GRM5: variants seen among roughly 807,000 people sequenced by gnomAD.
GRM5 encodes metabotropic glutamate receptor 5.
A neutral mutation model predicts 83.1 loss-of-function variants in GRM5; 19 were observed. The ratio of observed to expected loss-of-function variants is 0.23; its 90% confidence interval spans 0.16 to 0.34. The LOEUF (loss-of-function observed/expected upper bound fraction) is 0.34. Ranked by LOEUF, GRM5 falls within the 10% of genes least tolerant of loss-of-function variation. The pLI is 1.00. For synonymous variants in GRM5, 675 were observed against 633.6 expected, an observed-to-expected ratio of 1.07 and a Z score of -0.98; for missense variants, 1,160 against 1,588.3, an observed-to-expected ratio of 0.73 and a Z score of 4.58.
chr11:89,043,573 AT>A lies in GRM5; in HGVS notation c.661+3638del, dbSNP rs369706887. Among the ~76,000 whole-genome samples the A allele has an allele frequency of 5.5e-3, 771 of 139,724 alleles. 3 individuals are homozygous for A. Among genetic ancestry groups the A allele is most frequent in the African/African-American group, 0.014 (505 of 35,828 alleles). The allele number at this position is 139,724 out of a possible 152,430, so 91.7% of individuals were successfully genotyped here. A position where few individuals can be genotyped will look rare whatever the true frequency, so the allele number is the denominator to read the frequency against. ...AATTTCAAGAATATTAATGCATGTT[AT>A]TTTTTTTTTTTTGCTTTTGAAGTTT... On this transcript the variant is annotated intron_variant, in intron 2 of 9. Coordinates refer to ENST00000305447, the MANE Select transcript of GRM5 (RefSeq NM_001143831.3).
At chr11:89,048,475 T>A (rs898217172) in intron 1 of GRM5, among the ~76,000 whole-genome samples, 1 of 152,242 alleles carries the variant, frequency 6.6e-6, no homozygotes, top group African/African-American at 2.4e-5. Context: ...AAAGTGTGGA[T>A]AACTGTTGTT....
At chr11:88,997,998 T>A (rs1940246989) in intron 2 of GRM5, among the ~76,000 whole-genome samples, 1 of 149,682 alleles carries the variant, frequency 6.7e-6, no homozygotes, top group Non-Finnish European at 1.5e-5. Flanking sequence ...AAGTATTCCC[T>A]GGTATGAAAA....
chr11:88,589,875 G>T (rs1937609416), intron 7 of GRM5, among the ~76,000 whole-genome samples: 1 of 151,946 alleles, frequency 6.6e-6, no homozygotes, highest in African/African-American at 2.4e-5. Flanking sequence ...TTATTTTAGT[G>T]GTAGGAAAAT....
chr11:88,668,095 T>A (rs1940090879), intron 3 of GRM5, among the ~76,000 whole-genome samples: 1 of 151,808 alleles, frequency 6.6e-6, no homozygotes, highest in Admixed American at 6.6e-5. Flanking sequence ...AAAATTTAGA[T>A]AAAATAGAAA....
At chr11:88,844,700 G>A (rs1944267966) in intron 3 of GRM5, among the ~76,000 whole-genome samples, 1 of 152,186 alleles carries the variant, frequency 6.6e-6, no homozygotes. Flanking sequence ...ACATTCATGA[G>A]TCATGAGAGA....
At chr11:88,580,166 G>A (rs1943192546) in intron 7 of GRM5, among the ~76,000 whole-genome samples, 1 of 152,190 alleles carries the variant, frequency 6.6e-6, no homozygotes, top group Admixed American at 6.5e-5. Flanking sequence ...GTAAAGACCT[G>A]GATTTCAGTG....
At chr11:88,803,826 A>T (rs1228140511) in intron 3 of GRM5, among the ~76,000 whole-genome samples, 1 of 152,228 alleles carries the variant, frequency 6.6e-6, no homozygotes, top group Non-Finnish European at 1.5e-5. Flanking sequence ...AATGAACTCA[A>T]ACAAATTTAC....
At chr11:89,056,487 T>G (rs1941878153) in intron 1 of GRM5, among the ~76,000 whole-genome samples, 1 of 152,174 alleles carries the variant, frequency 6.6e-6, no homozygotes, top group Non-Finnish European at 1.5e-5. Context: ...AAGAGCCTTT[T>G]TTCATTCTTG....
chr11:88,687,219 A>G (rs569735248), intron 3 of GRM5, among the ~76,000 whole-genome samples: 1 of 151,874 alleles, frequency 6.6e-6, no homozygotes, highest in African/African-American at 2.4e-5. Flanking sequence ...TCGCGCCTGT[A>G]ATCCCAGCAC....
intron 2 of GRM5, among the ~76,000 whole-genome samples, chr11:88,872,373 G>A (rs1944784165): frequency 6.6e-6 from 1 of 151,460 alleles, no homozygotes; most frequent in Non-Finnish European, 1.5e-5. Context: ...TTATTAAAGT[G>A]AGCCTTCTAA....
At chr11:88,555,631 C>G (rs1269731847) in intron 8 of GRM5, among the ~76,000 whole-genome samples, 1 of 152,112 alleles carries the variant, frequency 6.6e-6, no homozygotes, top group Non-Finnish European at 1.5e-5. Context: ...GCCGTTTTAA[C>G]TCAGCAGAGG....
chr11:88,518,787 A>G (rs1591317507), intron 9 of GRM5, among the ~76,000 whole-genome samples: 1 of 151,530 alleles, frequency 6.6e-6, no homozygotes, highest in East Asian at 1.9e-4. Context: ...TTATTTCTTT[A>G]TTAAGATTGT....
At chr11:88,549,573 A>G (rs1293561171) in intron 8 of GRM5, among the ~76,000 whole-genome samples, 2 of 152,064 alleles carry the variant, frequency 1.3e-5, no homozygotes, top group East Asian at 3.9e-4. Context: ...GCACCGTGTT[A>G]TAGTATGTGT....
At chr11:88,740,737 C>G (rs1942010766) in intron 3 of GRM5, among the ~76,000 whole-genome samples, 1 of 152,054 alleles carries the variant, frequency 6.6e-6, no homozygotes, top group Non-Finnish European at 1.5e-5. Flanking sequence ...ATCATTAGCA[C>G]ATCTTCAACC....
At chr11:88,750,495 C>T (rs1942245700) in intron 3 of GRM5, among the ~76,000 whole-genome samples, 1 of 152,164 alleles carries the variant, frequency 6.6e-6, no homozygotes, top group African/African-American at 2.4e-5. Context: ...TAATGGGAAA[C>T]TTTAACATTC....
At chr11:88,640,618 A>G (rs1391683826) in intron 4 of GRM5, among the ~76,000 whole-genome samples, 1 of 152,202 alleles carries the variant, frequency 6.6e-6, no homozygotes, top group Admixed American at 6.5e-5. Flanking sequence ...CTGGGCCTCC[A>G]GAAATTGTGA....
At chr11:88,655,838 A>T (rs1939755234) in intron 3 of GRM5, among the ~76,000 whole-genome samples, 1 of 152,130 alleles carries the variant, frequency 6.6e-6, no homozygotes. Flanking sequence ...GATAGTGTGT[A>T]AACAGAAAAT....
intron 2 of GRM5, among the ~76,000 whole-genome samples, chr11:88,922,878 G>A (rs519888): frequency 0.96 from 145,758 of 152,224 alleles, 69,864 homozygotes; most frequent in East Asian, 0.99. Context: ...GCAACTCAAT[G>A]GTAAAAAATC....
chr11:88,733,923 T>C (rs1941858168), intron 3 of GRM5, among the ~76,000 whole-genome samples: 1 of 151,960 alleles, frequency 6.6e-6, no homozygotes, highest in South Asian at 2.1e-4. Flanking sequence ...CTTAGAGGTT[T>C]CTTGCTGATT....
Sources: allele counts gnomAD v4.1 joint callset (sites outside exome capture counted in the v4.1 genomes callset), GRCh38; gene constraint gnomAD v4.1.1; transcripts MANE v1.5; gene names NCBI Gene and HGNC (gene_info 2026-07-23, HGNC 2026-07-21).